Variants in NMUR1 observed in about 807,000 individuals in gnomAD.
NMUR1 encodes neuromedin U receptor 1.
NMUR1 carries 16 observed loss-of-function variants against 18.8 expected under a neutral mutation model. The observed-to-expected ratio is 0.85, with a 90% CI of 0.58 to 1.29. The LOEUF is 1.29. Ranked by LOEUF, NMUR1 falls within the 50% of genes most tolerant of loss-of-function variation. NMUR1 has a pLI of 0.00. For synonymous variants in NMUR1, 258 were observed against 258.2 expected, an observed-to-expected ratio of 1.00 and a Z score of 0.01; for missense variants, 529 against 580.3, an observed-to-expected ratio of 0.91 and a Z score of 0.91.
rs1050592516 is a variant in NMUR1, at chr2:231,530,416, C to T, written c.-55G>A. On this transcript the variant is annotated 5_prime_UTR_variant, in exon 1 of 3. Transcript: ENST00000305141. Reference sequence around the variant, plus strand: ...CCACCCTCCGAGCGACGGACACAGACGCGGCGCGGGAGCCAGTGGACTGAC... The same window carrying T: ...CCACCCTCCGAGCGACGGACACAGATGCGGCGCGGGAGCCAGTGGACTGAC... The T allele has an allele frequency of 6.8e-7, 1 of 1,463,802 alleles. No homozygotes were observed. Among genetic ancestry groups the T allele is most frequent in the South Asian group, 1.3e-5 (1 of 76,582 alleles). 90.7% of individuals were successfully genotyped at this position (1,463,802 alleles called of 1,614,324 possible).
At position 231,529,011 on chromosome 2, in the gene NMUR1, G is replaced by T; in HGVS notation, c.10C>A (p.Leu4Ile). Residue 4 changes from leucine (L) to isoleucine (I), a missense_variant, in exon 2 of 3, where the codon CTC becomes ATC. Physicochemically the swap from Leu to Ile is conservative, Grantham distance 5. Transcript: ENST00000305141. MTP[L>I]CLNCSVLPGD... ...GGGAGGACAGAGCAATTGAGGCAGA[G>T]AGGAGTCTGTGGAACAGAGGGGAGA... The T allele has an allele frequency of 6.2e-7, 1 of 1,603,130 alleles. No homozygotes were observed. The highest frequency in any genetic ancestry group is 1.1e-5 in the South Asian group (1 of 90,464).
At position 231,525,185 on chromosome 2, in the gene NMUR1, A is replaced by C. The variant is rs1225502497; in HGVS notation, c.1139T>G (p.Leu380Arg). The C allele has an allele frequency of 1.9e-6, 3 of 1,613,758 alleles. No individual in the cohort carries two copies. Among genetic ancestry groups the C allele is most frequent in the Non-Finnish European group, 2.5e-6 (3 of 1,179,956 alleles). Residue 380 changes from leucine (L) to arginine (R), a missense_variant, in exon 3 of 3, where the codon CTC becomes CGC. Coordinates refer to ENST00000305141, the MANE Select transcript of NMUR1 (RefSeq NM_006056.5). ...ALCLGACCHR[L>R]RPRHSSHSLS... Reference sequence around the variant, plus strand: ...GCTGTGGGAGCTGTGGCGGGGTCTGAGGCGATGGCAGCAGGCCCCGAGGCA... The same window carrying C: ...GCTGTGGGAGCTGTGGCGGGGTCTGCGGCGATGGCAGCAGGCCCCGAGGCA...
rs990998347 is a variant in NMUR1 at position 231,528,815 on chromosome 2, A to G, written c.206T>C (p.Leu69Pro). The G allele has an allele frequency of 6.2e-7, 1 of 1,614,120 alleles. No homozygotes were observed. The highest frequency in any genetic ancestry group is 1.3e-5 in the African/African-American group (1 of 74,944). Reference protein sequence around the residue: ...LFMPICATYLLIFVVGAVGNG... With the variant: ...LFMPICATYLPIFVVGAVGNG... ...GCCCACAGCGCCCACCACGAAGATC[A>G]GCAGGTATGTGGCACAGATGGGCAT... is the stretch of plus-strand genomic sequence containing the variant. The change falls in exon 2 of 3, where the codon CTG (leucine) becomes CCG (proline). Residue 69 changes from leucine to proline, a missense_variant. Leu to Pro is a moderately conservative substitution (Grantham distance 98, BLOSUM62 -3). Transcript: ENST00000305141.
chr2:231,525,287 T>C lies in NMUR1; in HGVS notation c.1037A>G (p.Tyr346Cys), dbSNP rs576555364. Residue 346 changes from tyrosine to cysteine, a missense_variant, in exon 3 of 3, where the codon TAC becomes TGC. By Grantham distance (194) the Tyr-to-Cys change is radical (BLOSUM62 -2). Coordinates refer to ENST00000305141, the MANE Select transcript of NMUR1 (RefSeq NM_006056.5). The stretch of plus-strand genomic sequence containing the variant: ...CACGGGGTTGGCCGCCGAGCCCAGG[T>C]AGAAGAAGATGCCGGAGATGACGTG... The part of the protein sequence containing the change: ...HVHVISGIFF[Y>C]LGSAANPVLY... 9.3e-6 allele frequency: 15 copies of C among 1,614,032 alleles called. No individual in the cohort carries two copies. The highest frequency in any genetic ancestry group is 1.6e-4 in the Middle Eastern group (1 of 6,062).
chr2:231,521,944 C>T (rs2047307444), downstream of NMUR1, among the ~76,000 whole-genome samples: 1 of 147,392 alleles, frequency 6.8e-6, no homozygotes, highest in African/African-American at 2.5e-5. Context: ...ACATGGTGCT[C>T]ACAAAGGGGC....
rs2047330065 is a variant in NMUR1 at position 231,524,078 on chromosome 2, G to A, written c.*965C>T. The A allele has an allele frequency of 6.6e-6, 1 of 152,296 alleles. No homozygotes were observed. The highest frequency in any genetic ancestry group is 1.5e-5 in the Non-Finnish European group (1 of 68,080). 9.4% of individuals were successfully genotyped at this position (152,296 alleles called of 1,614,324 possible). A position where few individuals can be genotyped will look rare whatever the true frequency, so the allele number is the denominator to read the frequency against. ...GGAGGTCAGGGAGGAAGTGGGGCTT[G>A]GGGTTGATAAAGATGCAGATAATAA... On this transcript the variant is annotated 3_prime_UTR_variant, in exon 3 of 3. Transcript: ENST00000305141.
rs2047375288 is a variant in NMUR1, at chr2:231,528,178, G to GT, written c.842dup (p.Tyr281Ter). ...GATCGTGCTGCTGGAGCCTGCAGGTGTATCTGGACCTGGCTGCTGCAGAGC... is the reference window on the plus strand; with the variant it reads ...GATCGTGCTGCTGGAGCCTGCAGGTGTTATCTGGACCTGGCTGCTGCAGAGC... ...GRGSAAARSR[Y>*]TCRLQQHDRG... The change falls in exon 2 of 3, where the codon TAC becomes TAAC. Residue 281 changes from tyrosine (Y) to a stop codon, truncating the protein, a stop_gained and frameshift_variant. Coordinates refer to ENST00000305141, the MANE Select transcript of NMUR1 (RefSeq NM_006056.5). LOFTEE classifies it high-confidence loss of function. 1 of 1,595,044 alleles carries GT rather than the reference G, an allele frequency of 6.3e-7. No individual in the cohort carries two copies. The highest frequency in any genetic ancestry group is 8.5e-7 in the Non-Finnish European group (1 of 1,170,298).
intron 1 of NMUR1, 60 bp from the exon 2 acceptor site, chr2:231,529,077 T>A: frequency 6.7e-7 from 1 of 1,487,074 alleles, no homozygotes; most frequent in Non-Finnish European, 9.0e-7. Context: ...GGCTCTGTCC[T>A]CACTCATCAA....
At chr2:231,526,373 G>A (rs1205457218) in intron 2 of NMUR1, among the ~76,000 whole-genome samples, 1 of 151,856 alleles carries the variant, frequency 6.6e-6, no homozygotes, top group African/African-American at 2.4e-5. Flanking sequence ...GGTGCACAGA[G>A]GGCCAGCGGA....
In NMUR1 at chr2:231,528,947, G is replaced by A; in HGVS notation, c.74C>T (p.Ala25Val). ...LYPGGARNPMACNGSAARGHF... is the reference protein window; with the variant it reads ...LYPGGARNPMVCNGSAARGHF... ...CCCCCTGGCCGCACTGCCATTGCAA[G>A]CCATGGGGTTCCTTGCACCCCCTGG... Residue 25 changes from alanine (A) to valine (V), a missense_variant, in exon 2 of 3, where the codon GCT becomes GTT. By Grantham distance (64) the Ala-to-Val change is moderately conservative. Transcript: ENST00000305141. The A allele has an allele frequency of 6.2e-7, 1 of 1,614,168 alleles. No individual in the cohort carries two copies. The highest frequency in any genetic ancestry group is 8.5e-7 in the Non-Finnish European group (1 of 1,180,024).
At position 231,530,374 on chromosome 2, in the gene NMUR1, C is replaced by A; in HGVS notation, c.-13G>T. On this transcript the variant is annotated 5_prime_UTR_variant, in exon 1 of 3. Transcript: ENST00000305141. ...GCGCACCTACCATGCGGCCCGCGGCCCGCGAGACCCCGGCTTCCACCCTCC... is the reference window on the plus strand; with the variant it reads ...GCGCACCTACCATGCGGCCCGCGGCACGCGAGACCCCGGCTTCCACCCTCC... The A allele has an allele frequency of 6.7e-7, 1 of 1,486,584 alleles. No homozygotes were observed. The highest frequency in any genetic ancestry group is 2.2e-5 in the Admixed American group (1 of 44,782). The allele number at this position is 1,486,584 out of a possible 1,614,324, so 92.1% of individuals were successfully genotyped here. A position where few individuals can be genotyped will look rare whatever the true frequency, so the allele number is the denominator to read the frequency against.
chr2:231,526,515 G>A (rs576191740), intron 2 of NMUR1, among the ~76,000 whole-genome samples: 85 of 152,344 alleles, frequency 5.6e-4, no homozygotes, highest in Non-Finnish European at 9.4e-4. Flanking sequence ...AGGGGACGGG[G>A]TAGTAGGCAG....
downstream of NMUR1, among the ~76,000 whole-genome samples, chr2:231,521,973 C>CTTTTTTTTTTTTTT (rs10625236): frequency 4.8e-5 from 4 of 83,828 alleles, no homozygotes; most frequent in African/African-American, 1.4e-4. Flanking sequence ...TTTTTTTTCT[C>CTTTTTTTTTTTTTT]TTTTTTTTTT....
chr2:231,524,993 C>T lies in NMUR1; in HGVS notation c.*50G>A. On this transcript the variant is annotated 3_prime_UTR_variant, in exon 3 of 3. Coordinates refer to ENST00000305141, the MANE Select transcript of NMUR1 (RefSeq NM_006056.5). Reference sequence around the variant, plus strand: ...GAGGAAGGCAGATGTGTCTCCCCAGCTCCAGGTGACCCTCTGGCCCCTCCA... The same window carrying T: ...GAGGAAGGCAGATGTGTCTCCCCAGTTCCAGGTGACCCTCTGGCCCCTCCA... The T allele has an allele frequency of 2.0e-6, 3 of 1,508,338 alleles. No homozygotes were observed. The highest frequency in any genetic ancestry group is 1.4e-5 in the African/African-American group (1 of 71,946). 93.4% of individuals were successfully genotyped at this position (1,508,338 alleles called of 1,614,324 possible). A position where few individuals can be genotyped will look rare whatever the true frequency, so the allele number is the denominator to read the frequency against.
Position 231,528,251 on chromosome 2 carries a change from C to G in NMUR1, c.770G>C (p.Arg257Pro). Residue 257 changes from arginine to proline, a missense_variant, in exon 2 of 3, where the codon CGA (arginine) becomes CCA (proline). Arg to Pro is a moderately radical substitution (Grantham distance 103, BLOSUM62 -2). Coordinates refer to ENST00000305141, the MANE Select transcript of NMUR1 (RefSeq NM_006056.5). Reference protein sequence around the residue: ...MSVLYLLIGLRLRRERLLLMQ... With the variant: ...MSVLYLLIGLPLRRERLLLMQ... ...GAGCAGCAGCCTCTCCCGCCGCAGT[C>G]GCAGCCCAATGAGCAGGTAGAGCAC... 6.2e-7 allele frequency: 1 copy of G among 1,613,942 alleles called. No homozygotes were observed. The highest frequency in any genetic ancestry group is 8.5e-7 in the Non-Finnish European group (1 of 1,179,968).
At position 231,523,907 on chromosome 2, in the gene NMUR1, T is replaced by G. The variant is rs533486123; in HGVS notation, c.*1136A>C. 6.6e-6 allele frequency: 1 copy of G among 152,494 alleles called. No individual in the cohort carries two copies. Among genetic ancestry groups the G allele is most frequent in the Admixed American group, 6.5e-5 (1 of 15,276 alleles). 9.4% of individuals were successfully genotyped at this position (152,494 alleles called of 1,614,324 possible). ...CCATGTCTCTTGCCCTCAGAGACCCTCTGGCCAGCCAAGTCCAATGCTCTG... is the reference window on the plus strand; with the variant it reads ...CCATGTCTCTTGCCCTCAGAGACCCGCTGGCCAGCCAAGTCCAATGCTCTG... On this transcript the variant is annotated 3_prime_UTR_variant, in exon 3 of 3. Coordinates refer to ENST00000305141, the MANE Select transcript of NMUR1 (RefSeq NM_006056.5).
downstream of NMUR1, among the ~76,000 whole-genome samples, chr2:231,521,577 C>T (rs1359024867): frequency 3.9e-5 from 6 of 152,094 alleles, no homozygotes; most frequent in Non-Finnish European, 8.8e-5. Context: ...GCAGTGGGGT[C>T]ACCCATGGAC....
chr2:231,528,686 A>T lies in NMUR1; in HGVS notation c.335T>A (p.Val112Glu), dbSNP rs953040011. The change falls in exon 2 of 3, where the codon GTG (valine) becomes GAG (glutamate). Residue 112 changes from valine to glutamate, a missense_variant. By Grantham distance (121) the Val-to-Glu change is moderately radical. Transcript: ENST00000305141. The part of the protein sequence containing the change: ...LAVSDLLVLL[V>E]GLPLELYEMW... ...CTCATAGAGCTCCAGGGGCAGGCCC[A>T]CCAGCAGCACCAGCAGGTCCGACAC... is the stretch of plus-strand genomic sequence containing the variant. 6.2e-7 allele frequency: 1 copy of T among 1,614,242 alleles called. No individual in the cohort carries two copies. Among genetic ancestry groups the T allele is most frequent in the African/African-American group, 1.3e-5 (1 of 75,074 alleles).
At chr2:231,529,692 A>C (rs2047396643) in intron 1 of NMUR1, among the ~76,000 whole-genome samples, 1 of 152,192 alleles carries the variant, frequency 6.6e-6, no homozygotes, top group South Asian at 2.1e-4. Context: ...CTCAGGAAGC[A>C]ACTGCCTGGA....
Sources: allele counts gnomAD v4.1 joint callset (sites outside exome capture counted in the v4.1 genomes callset), GRCh38; gene constraint gnomAD v4.1.1; transcripts MANE v1.5; gene names NCBI Gene and HGNC (gene_info 2026-07-23, HGNC 2026-07-21).